Variants in HIBADH observed in about 807,000 individuals in gnomAD.
The protein encoded by HIBADH is 3-hydroxyisobutyrate dehydrogenase, also known as 3-hydroxyisobutyrate dehydrogenase, mitochondrial.
HIBADH carries 25 observed loss-of-function variants against 36.1 expected under a neutral mutation model. The ratio of observed to expected loss-of-function variants is 0.69; its 90% CI spans 0.50 to 0.97. The LOEUF (loss-of-function observed/expected upper bound fraction) is 0.97, where lower values mean the gene tolerates loss of function less well. Ranked by LOEUF, HIBADH falls within the 50% of genes least tolerant of loss-of-function variation. HIBADH has a pLI of 0.00. For missense variants in HIBADH, 421 were observed against 418.0 expected (o/e 1.01, Z -0.06); for synonymous variants, 160 against 149.5 (o/e 1.07, Z -0.51).
intron 4 of HIBADH, among the ~76,000 whole-genome samples, chr7:27,554,350 C>T (rs546822527): frequency 5.3e-5 from 8 of 152,322 alleles, no homozygotes; most frequent in Middle Eastern, 3.4e-3. Context: ...TCATTATGTC[C>T]TTCTATTTTA....
chr7:27,555,132 A>G (rs1482734203), intron 4 of HIBADH, among the ~76,000 whole-genome samples: 1 of 151,974 alleles, frequency 6.6e-6, no homozygotes, highest in Non-Finnish European at 1.5e-5. Context: ...TTTAAAAATT[A>G]TTTTATTTTT....
rs570684758 is a variant in HIBADH at position 27,589,510 on chromosome 7, C to T, written c.484+39861G>A. The stretch of plus-strand genomic sequence containing the variant: ...TGTGGATCAGACACTTTTCTAGACC[C>T]TTAAGAAATCAACCCTTGAGGTATG... On this transcript the variant is annotated intron_variant, in intron 4 of 7. Coordinates refer to ENST00000265395, the MANE Select transcript of HIBADH (RefSeq NM_152740.4). Among the ~76,000 whole-genome samples the T allele has an allele frequency of 2.0e-5, 3 of 152,196 alleles. No individual in the cohort carries two copies. In the South Asian group the frequency reaches 6.2e-4, roughly 32 times the overall value.
intron 2 of HIBADH, among the ~76,000 whole-genome samples, chr7:27,635,432 G>C (rs1785822524): frequency 6.6e-6 from 1 of 152,182 alleles, no homozygotes; most frequent in Non-Finnish European, 1.5e-5. Flanking sequence ...CCCGGGTTAA[G>C]TTGCAGCTCA....
At chr7:27,558,028 T>C (rs1276614171) in intron 4 of HIBADH, among the ~76,000 whole-genome samples, 1 of 152,192 alleles carries the variant, frequency 6.6e-6, no homozygotes, top group African/African-American at 2.4e-5. Flanking sequence ...GAAAATCACC[T>C]ATTTCTTCTG....
rs905590109 is a variant in HIBADH, at chr7:27,653,457, C to T, written c.92-3824G>A. ...GACTATTAGAAATACCATGACCGGC[C>T]GGGCGTGGTGGCTCACGCCTGTAAT... On this transcript the variant is annotated intron_variant, in intron 1 of 7. Coordinates refer to ENST00000265395, the MANE Select transcript of HIBADH (RefSeq NM_152740.4). Among the ~76,000 whole-genome samples the T allele has an allele frequency of 4.6e-5, 7 of 152,036 alleles. No homozygotes were observed. The South Asian group carries it at 6.2e-4, about 14-fold the overall frequency.
intron 6 of HIBADH, among the ~76,000 whole-genome samples, chr7:27,533,034 C>G (rs568258424): frequency 6.6e-6 from 1 of 152,258 alleles, no homozygotes; most frequent in Admixed American, 6.5e-5. Flanking sequence ...TTTAAAGACT[C>G]CAAAACGTCA....
chr7:27,627,795 G>A (rs1583607166), intron 4 of HIBADH, among the ~76,000 whole-genome samples: 1 of 152,066 alleles, frequency 6.6e-6, no homozygotes, highest in East Asian at 1.9e-4. Context: ...ACATATGCAG[G>A]TTCAGGTGTA....
At chr7:27,586,956 G>A (rs1391341473) in intron 4 of HIBADH, among the ~76,000 whole-genome samples, 1 of 152,256 alleles carries the variant, frequency 6.6e-6, no homozygotes, top group Admixed American at 6.5e-5. Flanking sequence ...CTGCCAGTCT[G>A]GGCGGTGCCG....
chr7:27,651,603 AG>A (rs1319927712), intron 1 of HIBADH, among the ~76,000 whole-genome samples: 2 of 152,212 alleles, frequency 1.3e-5, no homozygotes, highest in African/African-American at 2.4e-5. Flanking sequence ...TTCAGCAACT[AG>A]GAAGATTATA....
intron 4 of HIBADH, among the ~76,000 whole-genome samples, chr7:27,598,390 T>C (rs1785066174): frequency 6.6e-6 from 1 of 152,214 alleles, no homozygotes; most frequent in Admixed American, 6.5e-5. Flanking sequence ...ATTTCTACCA[T>C]TTGTTTTATT....
intron 7 of HIBADH, among the ~76,000 whole-genome samples, chr7:27,528,826 G>A (rs1482766602): frequency 2.0e-5 from 3 of 152,132 alleles, no homozygotes; most frequent in South Asian, 2.1e-4. Context: ...GCCTGCTGTT[G>A]GAAGATATCA....
chr7:27,560,461 T>C (rs1784448255), intron 4 of HIBADH, among the ~76,000 whole-genome samples: 1 of 152,196 alleles, frequency 6.6e-6, no homozygotes, highest in Non-Finnish European at 1.5e-5. Flanking sequence ...CATTAACTTT[T>C]GGGGTACAAA....
Position 27,574,567 on chromosome 7 carries a change from C to T in HIBADH, c.485-31467G>A, listed in dbSNP as rs112928383. ...AGTTAGCTTCTGTCATAACTAAGTA[C>T]ATAGATAGGTTCAGACATGCAAAAC... On this transcript the variant is annotated intron_variant, in intron 4 of 7. Transcript: ENST00000265395. 1.1e-4 allele frequency among the ~76,000 whole-genome samples: 17 copies of T among 152,144 alleles called. 1 individual carries two copies. The highest frequency in any genetic ancestry group is 4.1e-4 in the African/African-American group (17 of 41,506).
At chr7:27,628,895 T>TAAAA (rs1284489499) in intron 4 of HIBADH, among the ~76,000 whole-genome samples, 1 of 152,142 alleles carries the variant, frequency 6.6e-6, no homozygotes, top group Non-Finnish European at 1.5e-5. Context: ...GTATTTCCTC[T>TAAAA]TTTCCTGTTC....
chr7:27,602,940 C>T (rs937681587), intron 4 of HIBADH, among the ~76,000 whole-genome samples: 1 of 152,084 alleles, frequency 6.6e-6, no homozygotes, highest in Non-Finnish European at 1.5e-5. Context: ...CAAAGAGATA[C>T]CCAGCATTGT....
At chr7:27,626,463 T>C (rs981626708) in intron 4 of HIBADH, among the ~76,000 whole-genome samples, 6 of 152,170 alleles carry the variant, frequency 3.9e-5, no homozygotes, top group African/African-American at 1.4e-4. Context: ...AATTGTATTC[T>C]TTCTAATAAG....
At chr7:27,550,052 C>T (rs959418202) in intron 4 of HIBADH, among the ~76,000 whole-genome samples, 5 of 152,146 alleles carry the variant, frequency 3.3e-5, no homozygotes, top group East Asian at 1.9e-4. Flanking sequence ...GGACTATGGG[C>T]GCGTGCCACC....
chr7:27,610,783 A>C (rs1697937823), intron 4 of HIBADH, among the ~76,000 whole-genome samples: 1 of 152,208 alleles, frequency 6.6e-6, no homozygotes, highest in African/African-American at 2.4e-5. Context: ...AAAACGTTTT[A>C]ATGGAAATGC....
chr7:27,562,114 T>C (rs1371106286), intron 4 of HIBADH, among the ~76,000 whole-genome samples: 1 of 152,154 alleles, frequency 6.6e-6, no homozygotes, highest in African/African-American at 2.4e-5. Flanking sequence ...CTATTTTACT[T>C]TGTGCTTTTC....
Sources: gnomAD v4.1 joint callset for allele counts (sites outside exome capture counted in the v4.1 genomes callset) on GRCh38, gnomAD v4.1.1 for gene constraint, MANE v1.5 for transcripts, NCBI Gene and HGNC (gene_info 2026-07-23, HGNC 2026-07-21) for gene names.